The following DOCK4 variants were observed in gnomAD, a reference collection of about 807,000 sequenced individuals.
DOCK4 encodes the protein dedicator of cytokinesis 4.
In DOCK4, 97 loss-of-function variants were observed where a neutral mutation model predicts 268.1. That is an observed-to-expected ratio of 0.36 (90% CI 0.31 to 0.43). The LOEUF is 0.43. DOCK4 is among the 20% of genes least tolerant of loss of function. The pLI is 1.00. For missense variants in DOCK4, 2,145 were observed against 2,455.7 expected (o/e 0.87, Z 2.67); for synonymous variants, 954 against 887.2 (o/e 1.08, Z -1.34).
At chr7:111,847,556 T>A (rs1446434573) in intron 23 of DOCK4, among the ~76,000 whole-genome samples, 2 of 151,942 alleles carry the variant, frequency 1.3e-5, no homozygotes, top group African/African-American at 4.8e-5. Flanking sequence ...TTCCCATAAC[T>A]CCCTGTGGGA....
intron 8 of DOCK4, among the ~76,000 whole-genome samples, chr7:111,962,532 G>A (rs1797001440): frequency 1.3e-5 from 2 of 152,084 alleles, no homozygotes; most frequent in African/African-American, 4.8e-5. Context: ...CCAGAATCTG[G>A]CCACTTCGAT....
intron 1 of DOCK4, among the ~76,000 whole-genome samples, chr7:112,083,500 C>A (rs1479813186): frequency 3.5e-4 from 53 of 151,684 alleles, no homozygotes. Context: ...CCCCTCATAC[C>A]CAGAAGTCAA....
intron 12 of DOCK4, among the ~76,000 whole-genome samples, chr7:111,926,175 G>GCA: frequency 7.3e-6 from 1 of 137,512 alleles, no homozygotes; most frequent in Non-Finnish European, 1.5e-5. Context: ...AAAGAAGGAA[G>GCA]GAAGGCGGGC....
chr7:112,120,212 C>T (rs1303544390), intron 1 of DOCK4, among the ~76,000 whole-genome samples: 1 of 152,140 alleles, frequency 6.6e-6, no homozygotes, highest in African/African-American at 2.4e-5. Flanking sequence ...TACATACAAA[C>T]ACCAACATTA....
intron 6 of DOCK4, 103 bp downstream of exon 6, chr7:111,988,912 C>T: frequency 6.9e-7 from 1 of 1,456,008 alleles, no homozygotes; most frequent in Non-Finnish European, 9.2e-7. Flanking sequence ...ATGAAAAAGC[C>T]CATAGGATTG....
At chr7:111,849,419 C>T (rs900062237) in intron 23 of DOCK4, among the ~76,000 whole-genome samples, 24 of 152,124 alleles carry the variant, frequency 1.6e-4, no homozygotes, top group African/African-American at 5.8e-4. Context: ...CGTGCCATCA[C>T]GCCCAGCTAG....
chr7:111,791,707 C>T (rs1799562629), intron 30 of DOCK4, among the ~76,000 whole-genome samples: 1 of 152,066 alleles, frequency 6.6e-6, no homozygotes, highest in South Asian at 2.1e-4. Context: ...CTTGGCCTCC[C>T]AAAGTGCTAG....
chr7:112,125,161 C>T (rs1180776181), intron 1 of DOCK4, among the ~76,000 whole-genome samples: 1 of 152,090 alleles, frequency 6.6e-6, no homozygotes, highest in African/African-American at 2.4e-5. Context: ...ATTATAATAT[C>T]CACTATTTTC....
chr7:112,086,449 G>A (rs1023439044), intron 1 of DOCK4, among the ~76,000 whole-genome samples: 11 of 152,066 alleles, frequency 7.2e-5, no homozygotes, highest in African/African-American at 2.4e-4. Flanking sequence ...AACAGAAAAC[G>A]TTTTAAAATC....
At position 112,140,788 on chromosome 7, in the gene DOCK4, T is replaced by C. The variant is rs570395886; in HGVS notation, c.37+65314A>G. On this transcript the variant is annotated intron_variant, in intron 1 of 52. Transcript: ENST00000428084. ...GCTTTGGGAGAATTCCTTTTAAGCC[T>C]TGTTGGCAACCTTCCAACACACAGA... 2.6e-5 allele frequency among the ~76,000 whole-genome samples: 4 copies of C among 152,236 alleles called. No individual in the cohort carries two copies. The South Asian group carries it at 8.3e-4, about 32-fold the overall frequency.
At chr7:112,183,278 G>A (rs894291244) in intron 1 of DOCK4, among the ~76,000 whole-genome samples, 1 of 137,816 alleles carries the variant, frequency 7.3e-6, no homozygotes. Context: ...GGGAATAGGA[G>A]GGGGAGAACT....
At chr7:111,950,127 A>G (rs548723056) in intron 8 of DOCK4, among the ~76,000 whole-genome samples, 1 of 152,202 alleles carries the variant, frequency 6.6e-6, no homozygotes, top group East Asian at 1.9e-4. Flanking sequence ...GGGTTTCACC[A>G]TGTTGGCCAG....
intron 1 of DOCK4, among the ~76,000 whole-genome samples, chr7:112,163,384 T>C (rs1201688370): frequency 6.6e-6 from 1 of 152,010 alleles, no homozygotes; most frequent in Non-Finnish European, 1.5e-5. Context: ...GACTACCCTC[T>C]TCCCTGGGCT....
intron 26 of DOCK4, among the ~76,000 whole-genome samples, chr7:111,833,416 T>C (rs1563566189): frequency 2.0e-5 from 3 of 152,140 alleles, no homozygotes; most frequent in South Asian, 2.1e-4. Flanking sequence ...TGGTAGCATG[T>C]GCCTGTAGTC....
chr7:111,798,724 C>T (rs1375991300), intron 30 of DOCK4, among the ~76,000 whole-genome samples: 1 of 152,226 alleles, frequency 6.6e-6, no homozygotes, highest in East Asian at 1.9e-4. Flanking sequence ...AATAACATCT[C>T]TTCCCAGGCA....
intron 16 of DOCK4, among the ~76,000 whole-genome samples, chr7:111,892,345 C>A (rs1465031063): frequency 3.3e-5 from 5 of 152,138 alleles, no homozygotes; most frequent in African/African-American, 9.7e-5. Context: ...GGATTACAGG[C>A]ACCCATGACC....
chr7:112,113,356 G>A (rs575473776), intron 1 of DOCK4, among the ~76,000 whole-genome samples: 35 of 152,246 alleles, frequency 2.3e-4, no homozygotes, highest in African/African-American at 8.2e-4. Context: ...TGACACTAAG[G>A]TCAGTGGGCC....
At chr7:111,868,293 T>G (rs1274726099) in intron 21 of DOCK4, 139 bp from the exon 22 acceptor site, 14 of 565,094 alleles carry the variant, frequency 2.5e-5, no homozygotes, top group Non-Finnish European at 3.7e-5. Context: ...TGAGGCTTTT[T>G]TGAACAGTAT....
At chr7:112,111,406 T>C (rs1811642277) in intron 1 of DOCK4, among the ~76,000 whole-genome samples, 1 of 152,160 alleles carries the variant, frequency 6.6e-6, no homozygotes, top group African/African-American at 2.4e-5. Context: ...GGTGTATCCA[T>C]ATCAAGCTGA....
Sources: gnomAD v4.1 joint callset for allele counts (sites outside exome capture counted in the v4.1 genomes callset) on GRCh38, gnomAD v4.1.1 for gene constraint, MANE v1.5 for transcripts, NCBI Gene and HGNC (gene_info 2026-07-23, HGNC 2026-07-21) for gene names.